Variants in GOT2 observed in about 807,000 individuals in gnomAD.
GOT2 encodes aspartate aminotransferase, mitochondrial.
A neutral mutation model predicts 50.0 loss-of-function variants in GOT2; 17 were observed. The observed-to-expected ratio is 0.34, with a 90% CI of 0.23 to 0.51. GOT2 has a LOEUF of 0.51. Ranked by LOEUF, GOT2 falls within the 20% of genes least tolerant of loss-of-function variation. GOT2 has a pLI of 0.97. For missense variants in GOT2, 430 were observed against 559.6 expected (o/e 0.77, Z 2.34); for synonymous variants, 172 against 204.9 (o/e 0.84, Z 1.37).
chr16:58,708,906 G>A (rs1597695702), intron 9 of GOT2: 1 of 152,390 alleles, frequency 6.6e-6, no homozygotes, highest in South Asian at 2.1e-4. Flanking sequence ...ACCTAAAAGG[G>A]CTCCAAAATA....
At position 58,707,977 on chromosome 16, in the gene GOT2, C is replaced by A; in HGVS notation, c.*194G>T. The A allele has an allele frequency of 2.4e-6, 1 of 420,248 alleles. No homozygotes were observed. Among genetic ancestry groups the A allele is most frequent in the Non-Finnish European group, 4.1e-6 (1 of 245,446 alleles). 26.0% of individuals were successfully genotyped at this position (420,248 alleles called of 1,614,324 possible). A position where few individuals can be genotyped will look rare whatever the true frequency, so the allele number is the denominator to read the frequency against. On this transcript the variant is annotated 3_prime_UTR_variant, in exon 10 of 10. Coordinates refer to ENST00000245206, the MANE Select transcript of GOT2 (RefSeq NM_002080.4). ...GAGTTTGGTTTAATATTCCAGACGC[C>A]AGCCATGGATGCCTCTGCCCTGTGT...
At chr16:58,709,750 G>T (rs2044631279) in intron 8 of GOT2, among the ~76,000 whole-genome samples, 183 bp from the exon 9 acceptor site, 1 of 152,148 alleles carries the variant, frequency 6.6e-6, no homozygotes, top group Non-Finnish European at 1.5e-5. Flanking sequence ...GTTTTATATT[G>T]GAACACTATT....
chr16:58,718,197 T>G lies in GOT2; in HGVS notation c.701A>C (p.Lys234Thr), dbSNP rs771250625. 1 of 1,607,038 alleles carries G rather than the reference T, an allele frequency of 6.2e-7. No homozygotes were observed. Among genetic ancestry groups the G allele is most frequent in the Non-Finnish European group, 8.5e-7 (1 of 1,173,642 alleles). ...EQWKEIATVV[K>T]KRNLFAFFDM... is the part of the protein sequence containing the mutation. The stretch of plus-strand genomic sequence containing the variant: ...CGCCAGTGAGTTCATCGTCCTCACC[T>G]TCACCACTGTTGCTATTTCCTTCCA... Residue 234 changes from lysine to threonine, a missense_variant and splice_region_variant, in exon 6 of 10, where the codon AAG becomes ACG. Coordinates refer to ENST00000245206, the MANE Select transcript of GOT2 (RefSeq NM_002080.4).
intron 3 of GOT2, 186 bp downstream of exon 3, chr16:58,721,964 G>C: frequency 2.1e-6 from 1 of 482,910 alleles, no homozygotes; most frequent in Non-Finnish European, 3.7e-6. Flanking sequence ...ATTTTTAGTA[G>C]AGATGGGGTT....
At chr16:58,713,953 TA>T (rs1172379721) in intron 8 of GOT2, among the ~76,000 whole-genome samples, 50 of 152,312 alleles carry the variant, frequency 3.3e-4, no homozygotes, top group African/African-American at 1.2e-3. Context: ...TTTACAAGAA[TA>T]GGGGGCAAAC....
At chr16:58,724,285 C>CTT (rs56178822) in intron 1 of GOT2, among the ~76,000 whole-genome samples, 10 of 139,376 alleles carry the variant, frequency 7.2e-5, no homozygotes, top group South Asian at 2.3e-4. Flanking sequence ...TTCTGACAAA[C>CTT]TTTTTTTTTT....
At chr16:58,718,727 A>T (rs1597701282) in intron 4 of GOT2, 39 bp from the exon 5 acceptor site, 1 of 1,491,980 alleles carries the variant, frequency 6.7e-7, no homozygotes, top group African/African-American at 1.4e-5. Context: ...AAATGAACAA[A>T]GGAGAGGCAA....
chr16:58,718,127 T>C (rs1223369828), intron 6 of GOT2, 69 bp downstream of exon 6: 10 of 1,064,130 alleles, frequency 9.4e-6, no homozygotes, highest in Admixed American at 3.4e-5. Flanking sequence ...TGTTGAGACA[T>C]TGCCAAATTA....
At chr16:58,726,861 A>G (rs527539146) in intron 1 of GOT2, among the ~76,000 whole-genome samples, 53 of 149,784 alleles carry the variant, frequency 3.5e-4, no homozygotes, top group African/African-American at 1.2e-3. Flanking sequence ...TTTTTTAAAG[A>G]GATGGATCTC....
intron 3 of GOT2, among the ~76,000 whole-genome samples, chr16:58,719,968 G>A (rs369447171): frequency 1.6e-3 from 239 of 151,946 alleles, no homozygotes; most frequent in African/African-American, 5.5e-3. Context: ...TTGGGAGGCC[G>A]AGGTGGACGT....
At chr16:58,722,637 T>C (rs2152096279) in intron 2 of GOT2, among the ~76,000 whole-genome samples, 1 of 152,316 alleles carries the variant, frequency 6.6e-6, no homozygotes, top group South Asian at 2.1e-4. Flanking sequence ...CCTAAAGTGC[T>C]GGGATTACAG....
intron 9 of GOT2, chr16:58,709,206 T>C: frequency 2.3e-6 from 1 of 441,222 alleles, no homozygotes; most frequent in South Asian, 3.5e-5. Flanking sequence ...GAGGTTGCAG[T>C]GAGCTGAGAT....
chr16:58,727,279 C>G (rs562966903), intron 1 of GOT2, among the ~76,000 whole-genome samples: 1 of 151,976 alleles, frequency 6.6e-6, no homozygotes, highest in South Asian at 2.1e-4. Context: ...CAGGCGCACA[C>G]AAGTTAACAT....
At chr16:58,723,688 TC>T (rs2044758296) in intron 2 of GOT2, 57 bp downstream of exon 2, 1 of 1,428,566 alleles carries the variant, frequency 7.0e-7, no homozygotes, top group Non-Finnish European at 9.8e-7. Flanking sequence ...CCTGCCACTC[TC>T]CAGGGCTCTC....
At chr16:58,731,136 G>A (rs1276723871) in intron 1 of GOT2, among the ~76,000 whole-genome samples, 2 of 152,096 alleles carry the variant, frequency 1.3e-5, no homozygotes, top group African/African-American at 4.8e-5. Context: ...TAGCACAGCT[G>A]TGATCTTTTT....
At chr16:58,727,949 T>C (rs1284911421) in intron 1 of GOT2, among the ~76,000 whole-genome samples, 2 of 148,946 alleles carry the variant, frequency 1.3e-5, no homozygotes, top group African/African-American at 5.0e-5. Flanking sequence ...GCTGATAAAC[T>C]CGTGAATTAC....
intron 3 of GOT2, among the ~76,000 whole-genome samples, chr16:58,719,997 T>C (rs1240902067): frequency 2.0e-5 from 3 of 151,854 alleles, no homozygotes; most frequent in African/African-American, 7.3e-5. Flanking sequence ...AGGTCAGGAG[T>C]TCGAGATCAG....
rs569788004 is a variant in GOT2, at chr16:58,710,057, A to T, written c.1020-490T>A. Among the ~76,000 whole-genome samples the T allele has an allele frequency of 1.6e-4, 25 of 152,306 alleles. 1 individual carries two copies. Among genetic ancestry groups the T allele is most frequent in the African/African-American group, 5.3e-4 (22 of 41,584 alleles). On this transcript the variant is annotated intron_variant, in intron 8 of 9. Coordinates refer to ENST00000245206, the MANE Select transcript of GOT2 (RefSeq NM_002080.4). Reference sequence around the variant, plus strand: ...CTATGATGTTTGGTAGGTTAAGTGTATTAAATGAATTTTCTTTTAATGTAG... The same window carrying T: ...CTATGATGTTTGGTAGGTTAAGTGTTTTAAATGAATTTTCTTTTAATGTAG...
At chr16:58,716,579 CACACA>C in intron 7 of GOT2, 79 bp downstream of exon 7, 1 of 1,171,374 alleles carries the variant, frequency 8.5e-7, no homozygotes, top group Non-Finnish European at 1.2e-6. Context: ...CACACACACA[CACACA>C]CACACCCACA....
Sources: gnomAD v4.1 joint callset for allele counts (sites outside exome capture counted in the v4.1 genomes callset) on GRCh38, gnomAD v4.1.1 for gene constraint, MANE v1.5 for transcripts, NCBI Gene and HGNC (gene_info 2026-07-23, HGNC 2026-07-21) for gene names.